Variants in ANK2 observed in about 807,000 individuals in gnomAD.
ANK2 encodes ankyrin 2.
In ANK2, 83 loss-of-function variants were observed where a neutral mutation model predicts 360.5. The ratio of observed to expected loss-of-function variants is 0.23; its 90% confidence interval spans 0.19 to 0.28. ANK2 has a LOEUF of 0.28. Ranked by LOEUF, ANK2 falls within the 10% of genes least tolerant of loss-of-function variation. The probability of loss-of-function intolerance (pLI) is 1.00; values close to 1 mark genes in which losing one functional copy is unlikely to be tolerated. For missense variants in ANK2, 4,201 were observed against 4,795.7 expected (o/e 0.88, Z 3.66); for synonymous variants, 1,740 against 1,759.5 (o/e 0.99, Z 0.28).
At chr4:113,245,853 G>A (rs2042586762) in intron 9 of ANK2, among the ~76,000 whole-genome samples, 2 of 151,498 alleles carry the variant, frequency 1.3e-5, no homozygotes. Flanking sequence ...CACCCAGGCT[G>A]GAGTACAATA....
intron 1 of ANK2, among the ~76,000 whole-genome samples, chr4:113,091,053 G>A (rs2087761194): frequency 6.6e-6 from 1 of 152,182 alleles, no homozygotes; most frequent in Non-Finnish European, 1.5e-5. Context: ...AAAGAGAAAT[G>A]AGGAACTTAA....
chr4:113,059,287 T>C (rs1468252567), intron 1 of ANK2, among the ~76,000 whole-genome samples: 1 of 152,132 alleles, frequency 6.6e-6, no homozygotes, highest in Non-Finnish European at 1.5e-5. Flanking sequence ...TAAATAGTAT[T>C]TTCTGTAAAG....
chr4:112,845,963 G>T (rs938614022), intron 1 of ANK2, among the ~76,000 whole-genome samples: 2 of 152,086 alleles, frequency 1.3e-5, no homozygotes, highest in Non-Finnish European at 2.9e-5. Flanking sequence ...CTCTTATTTG[G>T]TTTCTAATTC....
chr4:113,101,281 T>C (rs1431719375), intron 1 of ANK2, among the ~76,000 whole-genome samples: 1 of 152,152 alleles, frequency 6.6e-6, no homozygotes, highest in African/African-American at 2.4e-5. Flanking sequence ...TTTACATACA[T>C]GAATGAATTT....
the ANK2 span, among the ~76,000 whole-genome samples, chr4:112,766,285 C>T: frequency 1.6e-3 from 249 of 151,206 alleles, 1 homozygote; most frequent in South Asian, 2.9e-3. Context: ...CGCACCACTG[C>T]ACTCCAGCCT....
chr4:112,783,727 G>A, the ANK2 span, among the ~76,000 whole-genome samples: 3 of 151,652 alleles, frequency 2.0e-5, no homozygotes, highest in Non-Finnish European at 4.4e-5. Context: ...TCGGCTCACT[G>A]CAAGCTCTGC....
At chr4:112,778,574 T>C in the ANK2 span, among the ~76,000 whole-genome samples, 1 of 152,196 alleles carries the variant, frequency 6.6e-6, no homozygotes, top group African/African-American at 2.4e-5. Context: ...GATAGAAGAA[T>C]GCACAGTCCT....
intron 2 of ANK2, chr4:113,031,538 A>G (rs1286002816): frequency 6.6e-6 from 1 of 152,024 alleles, no homozygotes; most frequent in Non-Finnish European, 1.5e-5. Flanking sequence ...TAATTAAAGT[A>G]AAGATATTAT....
At chr4:113,137,487 G>A (rs1251247264) in intron 1 of ANK2, among the ~76,000 whole-genome samples, 2 of 152,158 alleles carry the variant, frequency 1.3e-5, no homozygotes, top group African/African-American at 4.8e-5. Flanking sequence ...GCTTAGGAAA[G>A]CACTGAGCAT....
intron 2 of ANK2, among the ~76,000 whole-genome samples, chr4:112,940,820 G>A (rs2094148841): frequency 6.6e-6 from 1 of 152,052 alleles, no homozygotes; most frequent in Non-Finnish European, 1.5e-5. Context: ...TTGTTCCTGA[G>A]GCATCTATTT....
chr4:113,099,607 T>A (rs956297466), intron 1 of ANK2, among the ~76,000 whole-genome samples: 2 of 151,982 alleles, frequency 1.3e-5, no homozygotes, highest in African/African-American at 4.8e-5. Context: ...CTCAGCAAGT[T>A]GTCTTGTGGA....
intron 29 of ANK2, among the ~76,000 whole-genome samples, chr4:113,333,905 A>T (rs2093024550): frequency 3.3e-5 from 5 of 152,190 alleles, no homozygotes; most frequent in African/African-American, 1.2e-4. Context: ...TCAGTATGAA[A>T]AGAGGAAAGC....
At chr4:113,313,783 C>T (rs908481963) in intron 24 of ANK2, 7 of 7,234 alleles carry the variant, frequency 9.7e-4, no homozygotes, top group African/African-American at 3.2e-3. Context: ...TGTGTGTTGC[C>T]GGGGCGGGGG....
At chr4:112,759,907 T>C in the ANK2 span, among the ~76,000 whole-genome samples, 6 of 152,212 alleles carry the variant, frequency 3.9e-5, no homozygotes, top group African/African-American at 1.2e-4. Flanking sequence ...TTAATTTCAG[T>C]AGCTGACACT....
At chr4:113,315,859 T>C (rs1024206983) in intron 24 of ANK2, among the ~76,000 whole-genome samples, 9 of 129,512 alleles carry the variant, frequency 6.9e-5, no homozygotes, top group African/African-American at 2.2e-4. Flanking sequence ...ATCGCGCCAC[T>C]GCACTCCAGC....
At position 113,374,912 on chromosome 4, in the gene ANK2, C is replaced by T. The variant is rs117329245; in HGVS notation, c.11859+1463C>T. The T allele has an allele frequency of 3.3e-4, 405 of 1,230,874 alleles. 6 individuals are homozygous for T. In the East Asian group the frequency reaches 0.016, roughly 50 times the overall value. 76.2% of individuals were successfully genotyped at this position (1,230,874 alleles called of 1,614,324 possible). A position where few individuals can be genotyped will look rare whatever the true frequency, so the allele number is the denominator to read the frequency against. ...CATCTGGGGGATTCTAGTTTAGCCA[C>T]TGATCTTCCTTCAGCCAAAGATGAC... On this transcript the variant is annotated intron_variant, in intron 45 of 45. Coordinates refer to ENST00000357077, the MANE Select transcript of ANK2 (RefSeq NM_001148.6).
At chr4:112,982,744 C>T (rs946775015) in intron 2 of ANK2, among the ~76,000 whole-genome samples, 1 of 152,070 alleles carries the variant, frequency 6.6e-6, no homozygotes, top group Non-Finnish European at 1.5e-5. Context: ...GGAAAAATGA[C>T]ATAAAAACTA....
At chr4:113,260,211 A>G (rs1482696476) in intron 13 of ANK2, among the ~76,000 whole-genome samples, 1 of 152,160 alleles carries the variant, frequency 6.6e-6, no homozygotes, top group African/African-American at 2.4e-5. Flanking sequence ...CCAATTCCAA[A>G]TCTTCAGGTG....
chr4:112,848,201 C>T (rs1222528488), intron 1 of ANK2, among the ~76,000 whole-genome samples: 1 of 152,152 alleles, frequency 6.6e-6, no homozygotes, highest in Non-Finnish European at 1.5e-5. Flanking sequence ...TCTTGGGTCA[C>T]TCCACCTCCA....
Sources: allele counts gnomAD v4.1 joint callset (sites outside exome capture counted in the v4.1 genomes callset), GRCh38; gene constraint gnomAD v4.1.1; transcripts MANE v1.5; gene names NCBI Gene and HGNC (gene_info 2026-07-23, HGNC 2026-07-21).